Variants in IQCK observed in about 807,000 individuals in gnomAD.
IQCK encodes the protein IQ domain-containing protein K.
A neutral mutation model predicts 28.1 loss-of-function variants in IQCK; 29 were observed. That is an observed-to-expected ratio of 1.03 (90% CI 0.77 to 1.41). The LOEUF (loss-of-function observed/expected upper bound fraction) is 1.41, where lower values mean the gene tolerates loss of function less well. Among genes scored for constraint, IQCK ranks in the 40% most tolerant of loss-of-function variants. The pLI is 0.00. For missense variants in IQCK, 359 were observed against 314.7 expected (o/e 1.14, Z -1.07); for synonymous variants, 113 against 115.1 (o/e 0.98, Z 0.12).
At chr16:19,806,694 ACTC>A (rs2055838667) in intron 7 of IQCK, among the ~76,000 whole-genome samples, 1 of 143,236 alleles carries the variant, frequency 7.0e-6, no homozygotes, top group Non-Finnish European at 1.5e-5. Context: ...GTCTCAAACC[ACTC>A]CCCACCCCCC....
chr16:19,740,205 T>C (rs550847943), intron 4 of IQCK, among the ~76,000 whole-genome samples: 11 of 152,350 alleles, frequency 7.2e-5, no homozygotes, highest in Middle Eastern at 6.8e-3. Context: ...CTAATTCTTA[T>C]CTGTTTTTTC....
chr16:19,768,459 A>G (rs1319318742), intron 6 of IQCK, among the ~76,000 whole-genome samples: 2 of 152,156 alleles, frequency 1.3e-5, no homozygotes, highest in African/African-American at 4.8e-5. Context: ...TCAAATCTCC[A>G]CCACTGGCTG....
chr16:19,831,808 G>A (rs1042084925), downstream of IQCK, among the ~76,000 whole-genome samples: 1 of 152,092 alleles, frequency 6.6e-6, no homozygotes, highest in Non-Finnish European at 1.5e-5. Context: ...GGGCAGTCAG[G>A]AGGTCTGAGG....
intron 4 of IQCK, among the ~76,000 whole-genome samples, chr16:19,760,492 G>A (rs940345449): frequency 6.6e-6 from 1 of 152,122 alleles, no homozygotes. Context: ...TTTCAGGAGC[G>A]GCTGGGCTTA....
intron 4 of IQCK, among the ~76,000 whole-genome samples, chr16:19,750,524 T>C (rs1201575686): frequency 6.6e-6 from 1 of 151,996 alleles, no homozygotes; most frequent in African/African-American, 2.4e-5. Context: ...TGCAGTGGCA[T>C]GATCTCGGTT....
chr16:19,728,206 A>G (rs576218389), intron 1 of IQCK, among the ~76,000 whole-genome samples: 1 of 152,182 alleles, frequency 6.6e-6, no homozygotes, highest in South Asian at 2.1e-4. Context: ...GCTGACAACC[A>G]CAAGATAGCA....
At chr16:19,747,045 A>G (rs2054921612) in intron 4 of IQCK, among the ~76,000 whole-genome samples, 1 of 152,222 alleles carries the variant, frequency 6.6e-6, no homozygotes, top group African/African-American at 2.4e-5. Context: ...TTAAGAGGCC[A>G]AGGCAGAAGG....
chr16:19,746,274 CA>C (rs2054911655), intron 4 of IQCK, among the ~76,000 whole-genome samples: 1 of 151,280 alleles, frequency 6.6e-6, no homozygotes, highest in Non-Finnish European at 1.5e-5. Context: ...TTCAGGCATG[CA>C]ATGCGAAATA....
intron 7 of IQCK, among the ~76,000 whole-genome samples, chr16:19,821,380 G>A (rs902728901): frequency 2.0e-4 from 30 of 152,204 alleles, no homozygotes; most frequent in African/African-American, 6.7e-4. Flanking sequence ...CCAGCAATTC[G>A]ACTTCTAGGT....
chr16:19,754,388 A>G (rs1391820733), intron 4 of IQCK, among the ~76,000 whole-genome samples: 3 of 152,212 alleles, frequency 2.0e-5, no homozygotes, highest in South Asian at 2.1e-4. Flanking sequence ...AGCTTTAAAT[A>G]TGGATTAAAT....
intron 4 of IQCK, among the ~76,000 whole-genome samples, chr16:19,754,155 C>T (rs750881179): frequency 9.2e-5 from 14 of 152,102 alleles, no homozygotes; most frequent in Non-Finnish European, 2.1e-4. Flanking sequence ...TCACTTACTA[C>T]CCAGGTCAGG....
chr16:19,752,340 T>G (rs181779181), intron 4 of IQCK, among the ~76,000 whole-genome samples: 1 of 152,322 alleles, frequency 6.6e-6, no homozygotes, highest in Admixed American at 6.5e-5. Flanking sequence ...CAGAGTAAAG[T>G]TAATCATTTT....
intron 7 of IQCK, among the ~76,000 whole-genome samples, chr16:19,813,034 T>C (rs1381479545): frequency 6.6e-6 from 1 of 152,224 alleles, no homozygotes; most frequent in Non-Finnish European, 1.5e-5. Flanking sequence ...AATTTGCATT[T>C]CTAATAAGCT....
At chr16:19,727,436 A>C (rs533159543) in intron 1 of IQCK, among the ~76,000 whole-genome samples, 4 of 152,068 alleles carry the variant, frequency 2.6e-5, no homozygotes, top group African/African-American at 9.6e-5. Flanking sequence ...AAATACAAAA[A>C]ATTTGTCTGG....
chr16:19,749,771 GAAAAAAA>G (rs111778931), intron 4 of IQCK, among the ~76,000 whole-genome samples: 1 of 138,312 alleles, frequency 7.2e-6, no homozygotes, highest in Non-Finnish European at 1.6e-5. Flanking sequence ...TTTCAAAAAG[GAAAAAAA>G]AAAAAGAAAA....
intron 9 of IQCK, among the ~76,000 whole-genome samples, chr16:19,835,370 C>T (rs1379186162): frequency 6.6e-6 from 1 of 152,138 alleles, no homozygotes; most frequent in Non-Finnish European, 1.5e-5. Context: ...TTTTTCTTCA[C>T]TTGGCAATAT....
intron 7 of IQCK, among the ~76,000 whole-genome samples, chr16:19,802,602 A>AG (rs1170905462): frequency 1.4e-5 from 2 of 141,472 alleles, no homozygotes; most frequent in African/African-American, 5.4e-5. Flanking sequence ...TTTCCTGAAT[A>AG]GGGGTTCTTT....
At chr16:19,815,330 T>C (rs995472524) in intron 7 of IQCK, among the ~76,000 whole-genome samples, 2 of 152,060 alleles carry the variant, frequency 1.3e-5, no homozygotes, top group Admixed American at 6.6e-5. Flanking sequence ...TACCAGGGAA[T>C]AGGTGATATC....
chr16:19,781,289 G>A (rs768098559), intron 6 of IQCK, among the ~76,000 whole-genome samples: 1 of 152,062 alleles, frequency 6.6e-6, no homozygotes, highest in Non-Finnish European at 1.5e-5. Context: ...AAACCCACAT[G>A]GGAGCATGTG....
Sources: gnomAD v4.1 joint callset for allele counts (sites outside exome capture counted in the v4.1 genomes callset) on GRCh38, gnomAD v4.1.1 for gene constraint, MANE v1.5 for transcripts, NCBI Gene and HGNC (gene_info 2026-07-23, HGNC 2026-07-21) for gene names.